SMAD6: variants seen among roughly 807,000 people sequenced by gnomAD.
SMAD6 encodes the protein MAD homolog 6.
Under a neutral mutation model 39.4 loss-of-function variants are expected in SMAD6, and 103 were observed. The observed-to-expected ratio is 2.62, with a 90% CI of 2.23 to 3.08. SMAD6 has a LOEUF of 3.08. Ranked by LOEUF, SMAD6 falls within the 30% of genes most tolerant of loss-of-function variation. The pLI is 0.00. For missense variants in SMAD6, 1,104 were observed against 742.9 expected, an observed-to-expected ratio of 1.49 and a Z score of -5.65; for synonymous variants, 445 against 353.3, an observed-to-expected ratio of 1.26 and a Z score of -2.91.
intron 3 of SMAD6, among the ~76,000 whole-genome samples, chr15:66,740,268 T>C (rs888245161): frequency 6.6e-6 from 1 of 152,236 alleles, no homozygotes; most frequent in African/African-American, 2.4e-5. Context: ...CTCTTTGAGC[T>C]TCTGCAGCCC....
chr15:66,719,428 C>A (rs972973767), intron 3 of SMAD6, among the ~76,000 whole-genome samples: 1 of 152,070 alleles, frequency 6.6e-6, no homozygotes, highest in Non-Finnish European at 1.5e-5. Flanking sequence ...TTGGGGACCA[C>A]CCAGAGATCA....
intron 3 of SMAD6, among the ~76,000 whole-genome samples, chr15:66,760,593 A>G (rs537253600): frequency 1.3e-5 from 2 of 152,226 alleles, no homozygotes; most frequent in South Asian, 4.2e-4. Flanking sequence ...AGGCCCAGAG[A>G]GGCTGAGGCA....
At chr15:66,709,679 G>A (rs1215966599) in intron 1 of SMAD6, among the ~76,000 whole-genome samples, 2 of 152,212 alleles carry the variant, frequency 1.3e-5, no homozygotes, top group African/African-American at 4.8e-5. Context: ...CATGGGGGTG[G>A]TGGAAAGGGC....
rs1248969440 is a variant in SMAD6 at position 66,703,255 on chromosome 15, T to G, written c.-4T>G. 8.4e-6 allele frequency: 12 copies of G among 1,431,920 alleles called. No individual in the cohort carries two copies. Among genetic ancestry groups the G allele is most frequent in the Non-Finnish European group, 1.1e-5 (12 of 1,089,818 alleles). 88.7% of individuals were successfully genotyped at this position (1,431,920 alleles called of 1,614,324 possible). A position where few individuals can be genotyped will look rare whatever the true frequency, so the allele number is the denominator to read the frequency against. The stretch of plus-strand genomic sequence containing the variant: ...CCCCCACCCCTGGCGCCAAAGGATA[T>G]CGTATGTTCAGGTCCAAACGCTCGG... On this transcript the variant is annotated 5_prime_UTR_variant, in exon 1 of 4. Transcript: ENST00000288840.
At chr15:66,742,617 C>G (rs1011184660) in intron 3 of SMAD6, among the ~76,000 whole-genome samples, 1 of 152,112 alleles carries the variant, frequency 6.6e-6, no homozygotes, top group African/African-American at 2.4e-5. Context: ...ATTGGTCGCT[C>G]TGAAAATGGG....
At chr15:66,709,484 G>A (rs1893185929) in intron 1 of SMAD6, among the ~76,000 whole-genome samples, 1 of 152,172 alleles carries the variant, frequency 6.6e-6, no homozygotes, top group Non-Finnish European at 1.5e-5. Context: ...GCCCCTGGAA[G>A]AGATGCTGGC....
rs747618471 is a variant in SMAD6 at position 66,761,737 on chromosome 15, T to G, written c.953-19260T>G. 6.9e-4 allele frequency among the ~76,000 whole-genome samples: 105 copies of G among 152,242 alleles called. 2 individuals carry two copies. Among genetic ancestry groups the G allele is most frequent in the Non-Finnish European group, 2.4e-4 (16 of 68,004 alleles). On this transcript the variant is annotated intron_variant, in intron 3 of 3. Coordinates refer to ENST00000288840, the MANE Select transcript of SMAD6 (RefSeq NM_005585.5). ...AAAGGGAGGAGGTCAGGCTGAATAA[T>G]CTCTAGCCCAGACATTCCCAAGGAA...
At chr15:66,777,899 T>G (rs1894493832) in intron 3 of SMAD6, among the ~76,000 whole-genome samples, 1 of 152,182 alleles carries the variant, frequency 6.6e-6, no homozygotes, top group South Asian at 2.1e-4. Flanking sequence ...AGGCAAGGCC[T>G]GAAGGCGGCT....
At chr15:66,737,079 C>G (rs1893725773) in intron 3 of SMAD6, among the ~76,000 whole-genome samples, 1 of 152,204 alleles carries the variant, frequency 6.6e-6, no homozygotes, top group Non-Finnish European at 1.5e-5. Context: ...AAGGAATAAA[C>G]CAAGGGGGAA....
intron 3 of SMAD6, among the ~76,000 whole-genome samples, chr15:66,765,609 T>C (rs1202393894): frequency 6.6e-6 from 1 of 152,178 alleles, no homozygotes; most frequent in East Asian, 1.9e-4. Context: ...ATTTCACTGA[T>C]TACTCCCTTC....
chr15:66,758,733 G>GA (rs34332070), intron 3 of SMAD6, among the ~76,000 whole-genome samples: 75,877 of 144,858 alleles, frequency 0.52, 19,791 homozygotes, highest in East Asian at 0.75. Flanking sequence ...GTCTCCAGAA[G>GA]AAAAAAAAAA....
In SMAD6 at chr15:66,781,317, C is replaced by T; in HGVS notation, c.1273C>T (p.Leu425=). Residue 425 remains leucine (L), a synonymous_variant, in exon 4 of 4, where the codon CTG becomes TTG. Coordinates refer to ENST00000288840, the MANE Select transcript of SMAD6 (RefSeq NM_005585.5). ...PTLDAPGGRA[L]VVRKVPPGYS... is the part of the protein sequence containing the mutation. ...GCTGGACGCGCCCGGCGGCCGCGCCCTGGTCGTGCGCAAGGTGCCCCCCGG... is the reference window on the plus strand; with the variant it reads ...GCTGGACGCGCCCGGCGGCCGCGCCTTGGTCGTGCGCAAGGTGCCCCCCGG... 6.2e-7 allele frequency: 1 copy of T among 1,600,312 alleles called. No individual in the cohort carries two copies. The highest frequency in any genetic ancestry group is 1.7e-4 in the Middle Eastern group (1 of 6,046).
At chr15:66,754,635 T>C (rs1251006917) in intron 3 of SMAD6, among the ~76,000 whole-genome samples, 1 of 152,238 alleles carries the variant, frequency 6.6e-6, no homozygotes, top group African/African-American at 2.4e-5. Flanking sequence ...GAATGCCTAC[T>C]AGCTGTTCAG....
chr15:66,728,291 C>T (rs192474718), intron 3 of SMAD6, among the ~76,000 whole-genome samples: 354 of 152,288 alleles, frequency 2.3e-3, no homozygotes, highest in Non-Finnish European at 4.2e-3. Context: ...CTAACCCCAT[C>T]GTGTAGTTTT....
rs981387424 is a variant in SMAD6 at position 66,702,324 on chromosome 15, C to G, written c.-935C>G. The stretch of plus-strand genomic sequence containing the variant: ...GGAGAACAAAAAAGAGAGAGAGAGC[C>G]GAGCGGGGGAGCGATCGAGGGAGCT... On this transcript the variant is annotated 5_prime_UTR_variant, in exon 1 of 4. Transcript: ENST00000288840. 8 of 151,840 alleles carry G rather than the reference C, an allele frequency of 5.3e-5. No individual in the cohort carries two copies. The highest frequency in any genetic ancestry group is 2.1e-4 in the South Asian group (1 of 4,784). 9.4% of individuals were successfully genotyped at this position (151,840 alleles called of 1,614,324 possible).
At position 66,781,000 on chromosome 15, in the gene SMAD6, C is replaced by T. The variant is rs148705603; in HGVS notation, c.956C>T (p.Ala319Val). The T allele has an allele frequency of 3.0e-4, 466 of 1,569,058 alleles. 3 individuals carry two copies. In the Middle Eastern group the frequency reaches 4.0e-3, roughly 14 times the overall value. The change falls in exon 4 of 4, where the codon GCC becomes GTC. Residue 319 changes from alanine to valine, a missense_variant. By Grantham distance (64) the Ala-to-Val change is moderately conservative. Transcript: ENST00000288840. ...LITAPGEFSDASMSPDATKPS... is the reference protein window; with the variant it reads ...LITAPGEFSDVSMSPDATKPS... ...GGTCCCTGTGCTTGTCCCGCAGACG[C>T]CAGCATGTCTCCGGACGCCACCAAG... is the stretch of plus-strand genomic sequence containing the variant.
chr15:66,775,666 C>T (rs1387047070), intron 3 of SMAD6, among the ~76,000 whole-genome samples: 1 of 152,188 alleles, frequency 6.6e-6, no homozygotes, highest in Non-Finnish European at 1.5e-5. Context: ...GGGAACTAGG[C>T]CAGGCCCTGA....
intron 3 of SMAD6, among the ~76,000 whole-genome samples, chr15:66,742,282 C>T (rs996757949): frequency 6.6e-6 from 1 of 152,194 alleles, no homozygotes; most frequent in Non-Finnish European, 1.5e-5. Context: ...TGAGCGCGTG[C>T]CCTCTGGTCC....
rs1435914595 is a variant in SMAD6 at position 66,702,607 on chromosome 15, C to G, written c.-652C>G. ...GACACCCGCGTCCAGGAGAAACTCG[C>G]TCCAAGTGCATCTAGCGCCTGGGAC... is the stretch of plus-strand genomic sequence containing the variant. On this transcript the variant is annotated 5_prime_UTR_variant, in exon 1 of 4. Transcript: ENST00000288840. The G allele has an allele frequency of 6.6e-6, 1 of 152,604 alleles. No individual in the cohort carries two copies. The highest frequency in any genetic ancestry group is 2.4e-5 in the African/African-American group (1 of 41,468). The allele number at this position is 152,604 out of a possible 1,614,324, so 9.5% of individuals were successfully genotyped here. A position where few individuals can be genotyped will look rare whatever the true frequency, so the allele number is the denominator to read the frequency against.
Sources: allele counts gnomAD v4.1 joint callset (sites outside exome capture counted in the v4.1 genomes callset), GRCh38; gene constraint gnomAD v4.1.1; transcripts MANE v1.5; gene names NCBI Gene and HGNC (gene_info 2026-07-23, HGNC 2026-07-21).